The following CEP128 variants were observed in gnomAD, a reference collection of about 807,000 sequenced individuals.
CEP128 encodes the protein centrosomal protein 128kDa.
A neutral mutation model predicts 156.7 loss-of-function variants in CEP128; 132 were observed. The observed-to-expected ratio is 0.84, with a 90% CI of 0.73 to 0.97. CEP128 has a LOEUF of 0.97. Among genes scored for constraint, CEP128 ranks in the 50% least tolerant of loss-of-function variants. The pLI, the probability that CEP128 is intolerant of heterozygous loss-of-function variation, is 0.00. For missense variants in CEP128, 1,252 were observed against 1,281.9 expected, an observed-to-expected ratio of 0.98 and a Z score of 0.36; for synonymous variants, 469 against 448.9, an observed-to-expected ratio of 1.04 and a Z score of -0.57.
At chr14:80,681,362 A>C (rs1346313051) in intron 19 of CEP128, among the ~76,000 whole-genome samples, 1 of 152,216 alleles carries the variant, frequency 6.6e-6, no homozygotes, top group Non-Finnish European at 1.5e-5. Flanking sequence ...ATGTAGCGAC[A>C]CCACCAATAG....
At chr14:80,870,217 GAAGAT>G (rs1490780578) in intron 8 of CEP128, among the ~76,000 whole-genome samples, 1 of 152,010 alleles carries the variant, frequency 6.6e-6, no homozygotes, top group African/African-American at 2.4e-5. Context: ...CCAAAAAACT[GAAGAT>G]AAGAGAACAT....
rs74066022 is a variant in CEP128 at position 80,631,304 on chromosome 14, C to G, written c.2807-50881G>C. Among the ~76,000 whole-genome samples the G allele has an allele frequency of 7.8e-3, 1,180 of 151,988 alleles. 25 individuals are homozygous for G. Among genetic ancestry groups the G allele is most frequent in the African/African-American group, 0.027 (1,119 of 41,516 alleles). On this transcript the variant is annotated intron_variant, in intron 19 of 24. Transcript: ENST00000555265. Reference sequence around the variant, plus strand: ...TTACATTGCCATCTAACTTTGAAAACTATTACAAGACTCAGCAATTGCATG... The same window carrying G: ...TTACATTGCCATCTAACTTTGAAAAGTATTACAAGACTCAGCAATTGCATG...
rs574794184 is a variant in CEP128, at chr14:80,641,387, C to A, written c.2807-60964G>T. Among the ~76,000 whole-genome samples, 9 of 152,326 alleles carry A rather than the reference C, an allele frequency of 5.9e-5. No individual in the cohort carries two copies. In the South Asian group the frequency reaches 1.9e-3, roughly 32 times the overall value. On this transcript the variant is annotated intron_variant, in intron 19 of 24. Transcript: ENST00000555265. ...ATGTTCTTAACATAGGGCCAGCGTG[C>A]CCTTTCCACTTGGCCTCCACCTGCC... is the stretch of plus-strand genomic sequence containing the variant.
At chr14:80,680,282 A>C (rs2619669) in intron 19 of CEP128, among the ~76,000 whole-genome samples, 24,071 of 152,138 alleles carry the variant, frequency 0.16, 2,156 homozygotes, top group African/African-American at 0.23. Flanking sequence ...CTAGGTGCCC[A>C]AGTATGCTCC....
At chr14:80,635,370 A>G (rs1474717886) in intron 19 of CEP128, among the ~76,000 whole-genome samples, 1 of 152,204 alleles carries the variant, frequency 6.6e-6, no homozygotes, top group African/African-American at 2.4e-5. Context: ...CGCAGTCCCA[A>G]TGCATCCAAA....
rs562945099 is a variant in CEP128 at position 80,805,111 on chromosome 14, T to A, written c.1210-12001A>T. Reference sequence around the variant, plus strand: ...CAAAACTGAATACTCAGCACTCTCTTGAGGTTTTGGGATAAACCTCAAGGT... The same window carrying A: ...CAAAACTGAATACTCAGCACTCTCTAGAGGTTTTGGGATAAACCTCAAGGT... On this transcript the variant is annotated intron_variant, in intron 13 of 24. Coordinates refer to ENST00000555265, the MANE Select transcript of CEP128 (RefSeq NM_152446.5). Among the ~76,000 whole-genome samples, 3 of 152,128 alleles carry A rather than the reference T, an allele frequency of 2.0e-5. No individual in the cohort carries two copies. In the East Asian group the frequency reaches 5.8e-4, roughly 29 times the overall value.
At chr14:80,756,991 T>TAAA (rs1899699248) in intron 17 of CEP128, 40 bp from the exon 18 acceptor site, 3 of 1,300,082 alleles carry the variant, frequency 2.3e-6, no homozygotes, top group Non-Finnish European at 3.3e-6. Context: ...TACATTTTTC[T>TAAA]CTGACATAAA....
intron 8 of CEP128, among the ~76,000 whole-genome samples, chr14:80,879,826 C>T (rs1412913386): frequency 8.8e-6 from 1 of 113,132 alleles, no homozygotes; most frequent in Non-Finnish European, 1.9e-5. Context: ...ATCTACGAAG[C>T]TCAAATGTTC....
intron 9 of CEP128, among the ~76,000 whole-genome samples, chr14:80,852,192 T>C (rs1433697207): frequency 6.6e-6 from 1 of 151,968 alleles, no homozygotes; most frequent in East Asian, 1.9e-4. Flanking sequence ...AAATTGGTCA[T>C]AGAATTAGGT....
intron 14 of CEP128, among the ~76,000 whole-genome samples, chr14:80,791,183 T>C (rs1178003602): frequency 6.6e-6 from 1 of 152,192 alleles, no homozygotes; most frequent in East Asian, 1.9e-4. Context: ...TTTCTTACTC[T>C]TTTTTCCTTG....
At chr14:80,513,256 T>C (rs1888340325) in intron 23 of CEP128, among the ~76,000 whole-genome samples, 1 of 152,186 alleles carries the variant, frequency 6.6e-6, no homozygotes, top group Admixed American at 6.5e-5. Context: ...TATTCTAGCA[T>C]AAAAGTTGTA....
At chr14:80,686,316 C>T (rs757581607) in intron 19 of CEP128, among the ~76,000 whole-genome samples, 1 of 151,808 alleles carries the variant, frequency 6.6e-6, no homozygotes, top group Non-Finnish European at 1.5e-5. Flanking sequence ...TCCAAAATTT[C>T]ATATCCAGCC....
At chr14:80,619,260 G>C (rs1292701803) in intron 19 of CEP128, among the ~76,000 whole-genome samples, 1 of 152,012 alleles carries the variant, frequency 6.6e-6, no homozygotes, top group African/African-American at 2.4e-5. Context: ...AAATGTTTAT[G>C]AGCAAGAGTC....
At chr14:80,957,751 A>T (rs981130071) in intron 2 of CEP128, 33 of 152,228 alleles carry the variant, frequency 2.2e-4, no homozygotes, top group African/African-American at 7.7e-4. Flanking sequence ...GCCCTTCTTT[A>T]CTAACCATGA....
chr14:80,724,313 A>G (rs899599835), intron 19 of CEP128, among the ~76,000 whole-genome samples: 1 of 152,226 alleles, frequency 6.6e-6, no homozygotes, highest in Admixed American at 6.5e-5. Flanking sequence ...TATGGAATAA[A>G]AGACACTTAA....
chr14:80,702,087 C>T (rs1897094534), intron 19 of CEP128, among the ~76,000 whole-genome samples: 1 of 152,172 alleles, frequency 6.6e-6, no homozygotes, highest in African/African-American at 2.4e-5. Context: ...CTCAACATGG[C>T]AATTATTACC....
chr14:80,700,918 T>C (rs1162707268), intron 19 of CEP128, among the ~76,000 whole-genome samples: 1 of 152,084 alleles, frequency 6.6e-6, no homozygotes, highest in Non-Finnish European at 1.5e-5. Context: ...CAAACAGGAA[T>C]AGGATATCAC....
At chr14:80,934,210 C>T (rs956495310) in intron 2 of CEP128, among the ~76,000 whole-genome samples, 1 of 152,332 alleles carries the variant, frequency 6.6e-6, no homozygotes, top group East Asian at 1.9e-4. Context: ...CATCCTAAAA[C>T]TGCTTTACAG....
chr14:80,484,854 C>G (rs576195629), intron 14 of CEP128, among the ~76,000 whole-genome samples: 2 of 151,690 alleles, frequency 1.3e-5, no homozygotes, highest in Non-Finnish European at 2.9e-5. Flanking sequence ...GAATATTGCA[C>G]GGGAAAATTT....
Sources: allele counts gnomAD v4.1 joint callset (sites outside exome capture counted in the v4.1 genomes callset), GRCh38; gene constraint gnomAD v4.1.1; transcripts MANE v1.5; gene names NCBI Gene and HGNC (gene_info 2026-07-23, HGNC 2026-07-21).